Variants in GRAP observed in about 807,000 individuals in gnomAD.
The protein encoded by GRAP is GRB2 related adaptor protein.
GRAP carries 2 observed loss-of-function variants against 9.1 expected under a neutral mutation model. That is an observed-to-expected ratio of 0.22 (90% confidence interval 0.09 to 0.69). GRAP has a LOEUF of 0.69. Ranked by LOEUF, GRAP falls within the 30% of genes least tolerant of loss-of-function variation. The probability of loss-of-function intolerance (pLI) is 0.81; values close to 1 mark genes in which losing one functional copy is unlikely to be tolerated. For synonymous variants in GRAP, 68 were observed against 73.6 expected (o/e 0.92, Z 0.39); for missense variants, 113 against 179.4 (o/e 0.63, Z 2.12).
intron 3 of GRAP, among the ~76,000 whole-genome samples, chr17:19,025,005 C>G (rs1269153289): frequency 6.6e-6 from 1 of 152,148 alleles, no homozygotes; most frequent in East Asian, 1.9e-4. Context: ...ACTTCAGACT[C>G]AAGATCTGGC....
At chr17:19,048,159 C>CA (rs1172041782), upstream of GRAP, among the ~76,000 whole-genome samples, 111 of 109,036 alleles carry the variant, frequency 1.0e-3, no homozygotes, top group Middle Eastern at 5.0e-3. Flanking sequence ...GTCTCCTTCT[C>CA]AAAAAAAAAA....
Position 19,022,096 on chromosome 17 carries a change from C to T in GRAP, c.517G>A (p.Asp173Asn). The T allele has an allele frequency of 6.3e-7, 1 of 1,578,808 alleles. No individual in the cohort carries two copies. Among genetic ancestry groups the T allele is most frequent in the Non-Finnish European group, 8.6e-7 (1 of 1,163,190 alleles). Reference protein sequence around the residue: ...AQAQFDFSAQDPSQLSFRRGD... With the variant: ...AQAQFDFSAQNPSQLSFRRGD... ...CGGCGGAAGCTGAGCTGCGAGGGGTCCTGGGCTGAGAAGTCAAACTGGGCC... is the reference window on the plus strand; with the variant it reads ...CGGCGGAAGCTGAGCTGCGAGGGGTTCTGGGCTGAGAAGTCAAACTGGGCC... Residue 173 changes from aspartate (D) to asparagine (N), a missense_variant, in exon 5 of 5, where the codon GAC (aspartate) becomes AAC (asparagine). Physicochemically the swap from Asp to Asn is conservative, Grantham distance 23. Transcript: ENST00000284154.
At chr17:19,025,347 A>G (rs1281816780) in intron 3 of GRAP, among the ~76,000 whole-genome samples, 1 of 149,708 alleles carries the variant, frequency 6.7e-6, no homozygotes, top group Non-Finnish European at 1.5e-5. Flanking sequence ...GCCCGCCACC[A>G]CGCCCGGCTA....
chr17:19,025,614 CTTTT>C (rs71155384), intron 3 of GRAP, among the ~76,000 whole-genome samples: 1 of 116,164 alleles, frequency 8.6e-6, no homozygotes, highest in Non-Finnish European at 1.7e-5. Context: ...TTTTTCTTTT[CTTTT>C]TTTTTTTTTT....
In GRAP at chr17:19,024,123, C is replaced by T; in HGVS notation, c.468+92G>A. 1 of 1,277,900 alleles carries T rather than the reference C, an allele frequency of 7.8e-7. No individual in the cohort carries two copies. Among genetic ancestry groups the T allele is most frequent in the Non-Finnish European group, 1.1e-6 (1 of 911,522 alleles). The allele number at this position is 1,277,900 out of a possible 1,614,324, so 79.2% of individuals were successfully genotyped here. A position where few individuals can be genotyped will look rare whatever the true frequency, so the allele number is the denominator to read the frequency against. ...AGGCTGCTGGGGAAGTGAGACCAGG[C>T]CCGTGCTTGGCCTCAGTGTCAGCAT... On this transcript the variant is annotated intron_variant, in intron 4 of 4. Transcript: ENST00000284154. This position sits in a 1 kb window ranked among gnomAD's most constrained non-coding sequence, Gnocchi z 4.2.
chr17:19,024,970 C>T lies in GRAP; in HGVS notation c.300-587G>A, dbSNP rs1289961156. 6.6e-6 allele frequency among the ~76,000 whole-genome samples: 1 copy of T among 152,152 alleles called. No individual in the cohort carries two copies. The highest frequency in any genetic ancestry group is 1.5e-5 in the Non-Finnish European group (1 of 68,020). On this transcript the variant is annotated intron_variant, in intron 3 of 4. Transcript: ENST00000284154. The surrounding 1 kb of genome is among the most constrained non-coding windows in gnomAD (Gnocchi z 4.2). ...CCCATGAACCTTCCGTGGCTTCTCC[C>T]TTGGCCTCAGGGTAAACTCTTAACA... is the stretch of plus-strand genomic sequence containing the variant.
upstream of GRAP, among the ~76,000 whole-genome samples, chr17:19,048,488 T>G: frequency 9.3e-6 from 1 of 107,692 alleles, no homozygotes; most frequent in Non-Finnish European, 1.6e-5. Flanking sequence ...GGTTTCATAT[T>G]TTAGCCAGTG....
chr17:19,023,212 G>A (rs915413792), intron 4 of GRAP, among the ~76,000 whole-genome samples: 1 of 152,156 alleles, frequency 6.6e-6, no homozygotes, highest in African/African-American at 2.4e-5. Flanking sequence ...ACTAGTGGGG[G>A]TCTCTCAAGG....
Position 19,043,583 on chromosome 17 carries a change from C to T in GRAP, c.79-1679G>A, listed in dbSNP as rs558470423. Among the ~76,000 whole-genome samples, 174 of 151,812 alleles carry T rather than the reference C, an allele frequency of 1.1e-3. 2 individuals are homozygous for T. Among genetic ancestry groups the T allele is most frequent in the Admixed American group, 9.1e-3 (138 of 15,188 alleles). ...GCTGGAGGCTGCAGTGAGCCGAGAT[C>T]GCGCCATTGCACTCCAGCCTGGGCA... On this transcript the variant is annotated intron_variant, in intron 1 of 4. Transcript: ENST00000284154.
At chr17:19,043,565 G>T (rs1462622416) in intron 1 of GRAP, among the ~76,000 whole-genome samples, 2 of 152,200 alleles carry the variant, frequency 1.3e-5, no homozygotes, top group African/African-American at 4.8e-5. Context: ...GGAGCTGGAG[G>T]CTGCAGTGAG....
At chr17:19,027,525 C>CACACA (rs71155385) in intron 3 of GRAP, among the ~76,000 whole-genome samples, 2 of 142,668 alleles carry the variant, frequency 1.4e-5, no homozygotes, top group African/African-American at 2.6e-5. Context: ...CACACACACA[C>CACACA]CCCTACCTCT....
intron 4 of GRAP, among the ~76,000 whole-genome samples, chr17:19,022,907 C>T (rs1405988017): frequency 6.6e-6 from 1 of 152,184 alleles, no homozygotes; most frequent in African/African-American, 2.4e-5. Flanking sequence ...AAGGAGGAGG[C>T]GTCATAGGTC....
chr17:19,022,504 G>A (rs1251627093), intron 4 of GRAP: 2 of 231,450 alleles, frequency 8.6e-6, no homozygotes, highest in Non-Finnish European at 1.7e-5. Flanking sequence ...AGCCATGGTA[G>A]CTTTTGACTC....
At chr17:19,025,919 TG>T (rs1166162836) in intron 3 of GRAP, among the ~76,000 whole-genome samples, 1 of 19,920 alleles carries the variant, frequency 5.0e-5, no homozygotes, top group Non-Finnish European at 9.1e-5. Flanking sequence ...CAGCCGAGCC[TG>T]CTCTTTCAAA....
intron 4 of GRAP, among the ~76,000 whole-genome samples, chr17:19,023,007 C>T (rs1450599319): frequency 6.6e-6 from 1 of 152,216 alleles, no homozygotes; most frequent in African/African-American, 2.4e-5. Flanking sequence ...TAGGGGAGCT[C>T]TCAGTTGCCC....
At position 19,024,117 on chromosome 17, in the gene GRAP, A is replaced by T. The variant is rs1201347554; in HGVS notation, c.468+98T>A. On this transcript the variant is annotated intron_variant, in intron 4 of 4. Coordinates refer to ENST00000284154, the MANE Select transcript of GRAP (RefSeq NM_006613.4). This position sits in a 1 kb window ranked among gnomAD's most constrained non-coding sequence, Gnocchi z 4.2. ...AATACCAGGCTGCTGGGGAAGTGAG[A>T]CCAGGCCCGTGCTTGGCCTCAGTGT... 1 of 1,221,994 alleles carries T rather than the reference A, an allele frequency of 8.2e-7. No individual in the cohort carries two copies. Among genetic ancestry groups the T allele is most frequent in the African/African-American group, 1.5e-5 (1 of 66,974 alleles). 75.7% of individuals were successfully genotyped at this position (1,221,994 alleles called of 1,614,324 possible).
chr17:19,025,304 G>A (rs1371096607), intron 3 of GRAP, among the ~76,000 whole-genome samples: 2 of 148,564 alleles, frequency 1.3e-5, no homozygotes, highest in Non-Finnish European at 3.0e-5. Context: ...CCATTCTCCT[G>A]CCTCAGCCTC....
rs76020008 is a variant in GRAP at position 19,022,849 on chromosome 17, G to T, written c.469-705C>A. On this transcript the variant is annotated intron_variant, in intron 4 of 4. Coordinates refer to ENST00000284154, the MANE Select transcript of GRAP (RefSeq NM_006613.4). ...AATCTGCAGAATCTCATCCAGGATG[G>T]GTGATAGGATCAGCAGAGAAGCTGT... is the stretch of plus-strand genomic sequence containing the variant. Among the ~76,000 whole-genome samples the T allele has an allele frequency of 4.5e-3, 690 of 152,298 alleles. 22 individuals are homozygous for T. In the East Asian group the frequency reaches 0.073, roughly 16 times the overall value.
intron 3 of GRAP, among the ~76,000 whole-genome samples, chr17:19,027,280 G>A (rs2044314541): frequency 6.9e-6 from 1 of 144,276 alleles, no homozygotes; most frequent in Admixed American, 7.3e-5. Flanking sequence ...GGTGGCTGGC[G>A]GAGCTAATAG....
Sources: allele counts gnomAD v4.1 joint callset (sites outside exome capture counted in the v4.1 genomes callset), GRCh38; gene constraint gnomAD v4.1.1; non-coding constraint Gnocchi (gnomAD v3.1); transcripts MANE v1.5; gene names NCBI Gene and HGNC (gene_info 2026-07-23, HGNC 2026-07-21).